Variants in PHIP observed in about 807,000 individuals in gnomAD.
The protein encoded by PHIP is PHIP subunit of CUL4-Ring ligase complex.
In PHIP, 54 loss-of-function variants were observed where a neutral mutation model predicts 236.8. The ratio of observed to expected loss-of-function variants is 0.23; its 90% confidence interval spans 0.18 to 0.29. PHIP has a LOEUF of 0.29. Among genes scored for constraint, PHIP ranks in the 10% least tolerant of loss-of-function variants. PHIP has a pLI of 1.00. For synonymous variants in PHIP, 756 were observed against 718.9 expected (o/e 1.05, Z -0.83); for missense variants, 1,370 against 2,190.8 (o/e 0.63, Z 7.48).
intron 21 of PHIP, 102 bp from the exon 22 acceptor site, chr6:78,985,530 G>T: frequency 2.7e-6 from 2 of 746,942 alleles, no homozygotes; most frequent in Admixed American, 2.0e-5. Context: ...GTCATATTGG[G>T]ATATTTAAAA....
At position 79,078,234 on chromosome 6, in the gene PHIP, A is replaced by G. The variant is rs1582337961; in HGVS notation, c.-166T>C. 2 of 631,804 alleles carry G rather than the reference A, an allele frequency of 3.2e-6. No homozygotes were observed. The highest frequency in any genetic ancestry group is 3.1e-5 in the Admixed American group (1 of 31,792). The allele number at this position is 631,804 out of a possible 1,614,324, so 39.1% of individuals were successfully genotyped here. On this transcript the variant is annotated 5_prime_UTR_variant, in exon 1 of 40. Transcript: ENST00000275034. ...AGGCGGAGGAGGAGGAGGAGGAAAC[A>G]ACAACTCTCAGGCAGCGACTACGGC...
intron 21 of PHIP, among the ~76,000 whole-genome samples, chr6:78,987,020 C>T (rs1034825348): frequency 6.6e-6 from 1 of 152,018 alleles, no homozygotes; most frequent in African/African-American, 2.4e-5. Flanking sequence ...AGAATTCTTT[C>T]CAATTAATTA....
chr6:78,949,390 A>G lies in PHIP; in HGVS notation c.4054-1615T>C, dbSNP rs182554059. 3.1e-3 allele frequency among the ~76,000 whole-genome samples: 475 copies of G among 152,214 alleles called. 3 individuals carry two copies. Among genetic ancestry groups the G allele is most frequent in the African/African-American group, 0.011 (441 of 41,540 alleles). ...CAATGAATCCCAAGTATAAAGCCAC[A>G]ATCAGCTCCTTTTCTCACTCTCACA... On this transcript the variant is annotated intron_variant, in intron 35 of 39. Coordinates refer to ENST00000275034, the MANE Select transcript of PHIP (RefSeq NM_017934.7).
chr6:78,987,069 CTCT>C (rs1277909691), intron 21 of PHIP, among the ~76,000 whole-genome samples: 19 of 152,174 alleles, frequency 1.2e-4, no homozygotes, highest in African/African-American at 4.6e-4. Context: ...TCTCAATGGA[CTCT>C]TCTAGAAATA....
intron 15 of PHIP, among the ~76,000 whole-genome samples, chr6:79,004,142 T>A (rs866785562): frequency 1.3e-5 from 2 of 152,092 alleles, no homozygotes; most frequent in Non-Finnish European, 2.9e-5. Context: ...AAACTCAGAT[T>A]TAACACATAA....
chr6:79,025,256 G>C (rs1255980947), intron 9 of PHIP, among the ~76,000 whole-genome samples: 1 of 151,960 alleles, frequency 6.6e-6, no homozygotes, highest in Non-Finnish European at 1.5e-5. Flanking sequence ...GAAAGGAGTG[G>C]TAATAAAACA....
intron 15 of PHIP, among the ~76,000 whole-genome samples, chr6:79,006,821 T>A (rs879916937): frequency 2.0e-5 from 3 of 151,952 alleles, no homozygotes; most frequent in Non-Finnish European, 4.4e-5. Context: ...TTTGGATATA[T>A]AGAAATAAAG....
chr6:79,049,062 T>C (rs915511838), intron 6 of PHIP, among the ~76,000 whole-genome samples: 2 of 151,850 alleles, frequency 1.3e-5, no homozygotes, highest in Non-Finnish European at 2.9e-5. Context: ...TATCCTCTTT[T>C]GACTAGTTTT....
intron 27 of PHIP, among the ~76,000 whole-genome samples, chr6:78,968,488 C>T (rs1398312454): frequency 1.3e-5 from 2 of 152,150 alleles, no homozygotes; most frequent in Admixed American, 6.5e-5. Flanking sequence ...CTTTTCACAT[C>T]GGGGGGTTCC....
intron 4 of PHIP, among the ~76,000 whole-genome samples, chr6:79,064,894 CA>C (rs1202167622): frequency 1.1e-4 from 16 of 152,184 alleles, no homozygotes; most frequent in Non-Finnish European, 2.9e-5. Context: ...AGCCCCAAAG[CA>C]TCTGAAACTC....
chr6:79,065,460 C>A (rs1450345431), intron 4 of PHIP, among the ~76,000 whole-genome samples: 2 of 152,100 alleles, frequency 1.3e-5, no homozygotes, highest in East Asian at 1.9e-4. Flanking sequence ...AGGTTATTTA[C>A]GCATAATCTC....
intron 4 of PHIP, among the ~76,000 whole-genome samples, chr6:79,063,959 C>T (rs1244368159): frequency 6.6e-6 from 1 of 152,094 alleles, no homozygotes; most frequent in Non-Finnish European, 1.5e-5. Flanking sequence ...ATTATCCTCT[C>T]TTTCCCAAGA....
At chr6:79,001,057 A>T (rs1194701248) in intron 17 of PHIP, among the ~76,000 whole-genome samples, 2 of 152,090 alleles carry the variant, frequency 1.3e-5, no homozygotes, top group Non-Finnish European at 2.9e-5. Context: ...TTTAAAAGTC[A>T]CTCAACACAA....
chr6:79,051,393 G>A (rs1166388134), intron 6 of PHIP, among the ~76,000 whole-genome samples: 2 of 152,068 alleles, frequency 1.3e-5, no homozygotes, highest in African/African-American at 4.8e-5. Flanking sequence ...AAAAAAGGAG[G>A]GCAGGTATTG....
intron 19 of PHIP, among the ~76,000 whole-genome samples, chr6:78,996,758 C>G (rs1467240352): frequency 2.0e-5 from 3 of 152,214 alleles, no homozygotes; most frequent in African/African-American, 7.2e-5. Context: ...ACTAGACAAT[C>G]TTAAATTCAA....
intron 24 of PHIP, among the ~76,000 whole-genome samples, chr6:78,975,105 A>G (rs1008139576): frequency 2.6e-5 from 4 of 151,844 alleles, no homozygotes; most frequent in African/African-American, 9.7e-5. Context: ...CTTGATGAAC[A>G]TTGATGCAAA....
chr6:79,011,969 A>G lies in PHIP; in HGVS notation c.1524+3113T>C, dbSNP rs539639137. Among the ~76,000 whole-genome samples the G allele has an allele frequency of 6.6e-5, 10 of 151,632 alleles. 1 individual carries two copies. The highest frequency in any genetic ancestry group is 6.8e-3 in the Middle Eastern group (2 of 294). On this transcript the variant is annotated intron_variant, in intron 15 of 39. Coordinates refer to ENST00000275034, the MANE Select transcript of PHIP (RefSeq NM_017934.7). ...AAATATTAATGTTTTATAATCTTATATTTAAAAATTATTAAAATGTAATTA... is the reference window on the plus strand; with the variant it reads ...AAATATTAATGTTTTATAATCTTATGTTTAAAAATTATTAAAATGTAATTA...
At chr6:79,003,681 C>T (rs950758605) in intron 16 of PHIP, 49 bp downstream of exon 16, 1 of 1,353,682 alleles carries the variant, frequency 7.4e-7, no homozygotes. Flanking sequence ...AACCCCTAAA[C>T]ATGCATTAAA....
chr6:79,047,101 T>A (rs780577027), intron 6 of PHIP, among the ~76,000 whole-genome samples: 4 of 152,116 alleles, frequency 2.6e-5, no homozygotes, highest in Non-Finnish European at 5.9e-5. Flanking sequence ...TTGAATAAAG[T>A]CTGAAGTAAA....
Sources: gnomAD v4.1 joint callset for allele counts (sites outside exome capture counted in the v4.1 genomes callset) on GRCh38, gnomAD v4.1.1 for gene constraint, MANE v1.5 for transcripts, NCBI Gene and HGNC (gene_info 2026-07-23, HGNC 2026-07-21) for gene names.